AKAP7: variants seen among roughly 807,000 people sequenced by gnomAD.
AKAP7 encodes the protein A kinase (PRKA) anchor protein 7.
In AKAP7, 39 loss-of-function variants were observed where a neutral mutation model predicts 39.5. That is an observed-to-expected ratio of 0.99 (90% CI 0.76 to 1.29). The LOEUF (loss-of-function observed/expected upper bound fraction) is 1.29. AKAP7 is among the 50% of genes most tolerant of loss of function. The pLI is 0.00. For synonymous variants in AKAP7, 140 were observed against 139.1 expected, an observed-to-expected ratio of 1.01 and a Z score of -0.05; for missense variants, 414 against 407.7, an observed-to-expected ratio of 1.02 and a Z score of -0.13.
chr6:131,282,384 A>ATTTTT lies in AKAP7; in HGVS notation c.*663_*667dup. 1 of 1,440,924 alleles carries ATTTTT rather than the reference A, an allele frequency of 6.9e-7. No homozygotes were observed. 89.3% of individuals were successfully genotyped at this position (1,440,924 alleles called of 1,614,324 possible). ...ATATTTAATGAAATGTTATTATATA[A>ATTTTT]TTTTTTTTTCTTAGGCAAGAAACCT... On this transcript the variant is annotated 3_prime_UTR_variant, in exon 8 of 8. Coordinates refer to ENST00000431975, the MANE Select transcript of AKAP7 (RefSeq NM_016377.4).
intron 7 of AKAP7, among the ~76,000 whole-genome samples, chr6:131,237,294 T>C (rs1410753020): frequency 6.6e-6 from 1 of 152,234 alleles, no homozygotes; most frequent in Admixed American, 6.5e-5. Context: ...GATGTGCTGC[T>C]GGATTCGGTT....
intron 7 of AKAP7, among the ~76,000 whole-genome samples, chr6:131,220,302 C>T: frequency 6.6e-6 from 1 of 152,148 alleles, no homozygotes; most frequent in East Asian, 1.9e-4. Context: ...GCATAAGGTT[C>T]ATACATAAAT....
chr6:131,132,517 G>C (rs982732519), upstream of AKAP7, among the ~76,000 whole-genome samples: 2 of 151,856 alleles, frequency 1.3e-5, no homozygotes, highest in African/African-American at 4.8e-5. Context: ...TCTCCCCAGA[G>C]GACAATATAC....
At position 131,199,342 on chromosome 6, in the gene AKAP7, A is replaced by G. The variant is rs1807285005; in HGVS notation, c.590-119A>G. The G allele has an allele frequency of 6.0e-6, 4 of 668,912 alleles. No individual in the cohort carries two copies. In the East Asian group the frequency reaches 1.1e-4, roughly 19 times the overall value. The allele number at this position is 668,912 out of a possible 1,614,324, so 41.4% of individuals were successfully genotyped here. A position where few individuals can be genotyped will look rare whatever the true frequency, so the allele number is the denominator to read the frequency against. On this transcript the variant is annotated intron_variant, in intron 5 of 7. Coordinates refer to ENST00000431975, the MANE Select transcript of AKAP7 (RefSeq NM_016377.4). ...TAAAGAAAATATCTGAAGCAGGTGT[A>G]TAAAGTAATCTTCACTGTAAAATAA...
At chr6:131,202,156 T>C (rs990289149) in intron 6 of AKAP7, among the ~76,000 whole-genome samples, 2 of 150,542 alleles carry the variant, frequency 1.3e-5, no homozygotes, top group African/African-American at 4.9e-5. Flanking sequence ...TTTTACACTG[T>C]TGGTGGGACT....
At chr6:131,132,276 G>T (rs145775920), upstream of AKAP7, among the ~76,000 whole-genome samples, 539 of 150,620 alleles carry the variant, frequency 3.6e-3, 7 homozygotes, top group African/African-American at 0.013. Flanking sequence ...TTGCGCCACC[G>T]CACTCCAGCC....
At position 131,246,355 on chromosome 6, in the gene AKAP7, G is replaced by A. The variant is rs117369451; in HGVS notation, c.850+26547G>A. ...TAGGCAACTGTCCTAACCGTGATTG[G>A]TCTGTAGCCAGGCCTGGGAGAAAAG... On this transcript the variant is annotated intron_variant, in intron 7 of 7. Coordinates refer to ENST00000431975, the MANE Select transcript of AKAP7 (RefSeq NM_016377.4). Among the ~76,000 whole-genome samples the A allele has an allele frequency of 7.1e-3, 1,087 of 152,240 alleles. 2 individuals are homozygous for A. Among genetic ancestry groups the A allele is most frequent in the Middle Eastern group, 0.02 (6 of 294 alleles).
At chr6:131,161,678 A>AAAAAAAAAT (rs1802975370) in intron 3 of AKAP7, among the ~76,000 whole-genome samples, 2 of 144,050 alleles carry the variant, frequency 1.4e-5, no homozygotes, top group Non-Finnish European at 3.0e-5. Context: ...AAAAAAAAAA[A>AAAAAAAAAT]AAAAAATTAA....
At chr6:131,187,340 TC>T (rs1332305183) in intron 5 of AKAP7, among the ~76,000 whole-genome samples, 1 of 152,146 alleles carries the variant, frequency 6.6e-6, no homozygotes, top group Non-Finnish European at 1.5e-5. Context: ...ATCTTTCACC[TC>T]CTTGGTTAAG....
At chr6:131,256,719 T>C (rs981401770) in intron 7 of AKAP7, among the ~76,000 whole-genome samples, 17 of 151,232 alleles carry the variant, frequency 1.1e-4, no homozygotes, top group African/African-American at 4.1e-4. Context: ...ATTATTATTA[T>C]TATTATTATT....
rs142066212 is a variant in AKAP7, at chr6:131,237,612, A to G, written c.850+17804A>G. On this transcript the variant is annotated intron_variant, in intron 7 of 7. Transcript: ENST00000431975. Reference sequence around the variant, plus strand: ...TGTTATTGGTCTATTCAGAGATTCAACTTCTTCCTGGTTTAGTCTTGGGGG... The same window carrying G: ...TGTTATTGGTCTATTCAGAGATTCAGCTTCTTCCTGGTTTAGTCTTGGGGG... Among the ~76,000 whole-genome samples the G allele has an allele frequency of 4.4e-3, 673 of 151,346 alleles. 18 individuals carry two copies. In the East Asian group the frequency reaches 0.049, roughly 11 times the overall value.
At chr6:131,179,543 T>C (rs1414818863) in intron 5 of AKAP7, among the ~76,000 whole-genome samples, 1 of 152,160 alleles carries the variant, frequency 6.6e-6, no homozygotes, top group Non-Finnish European at 1.5e-5. Context: ...ACCATGACTG[T>C]TTTGGTCACT....
In AKAP7 at chr6:131,145,399, T is replaced by A. The variant is rs761408185; in HGVS notation, c.134T>A (p.Ile45Asn). 7 of 1,538,450 alleles carry A rather than the reference T, an allele frequency of 4.6e-6. No individual in the cohort carries two copies. In the African/African-American group the frequency reaches 8.2e-5, roughly 18 times the overall value. ...GACATGCCATTTGCTACTGTAGATA[T>A]TCAGGATGACTGTGGAAGTAAGTAC... ...LVDMPFATVD[I>N]QDDCGITDEP... Residue 45 changes from isoleucine (I) to asparagine (N), a missense_variant, in exon 2 of 8, where the codon ATT becomes AAT. Coordinates refer to ENST00000431975, the MANE Select transcript of AKAP7 (RefSeq NM_016377.4).
intron 7 of AKAP7, among the ~76,000 whole-genome samples, chr6:131,265,624 A>G (rs531109053): frequency 6.6e-6 from 1 of 152,292 alleles, no homozygotes; most frequent in South Asian, 2.1e-4. Context: ...TCTGGTTAGC[A>G]GTCTCATTTT....
intron 7 of AKAP7, among the ~76,000 whole-genome samples, chr6:131,231,272 T>C (rs1294315450): frequency 1.3e-5 from 2 of 152,128 alleles, no homozygotes; most frequent in Non-Finnish European, 2.9e-5. Context: ...CTATGTGAAA[T>C]GACTCATTTA....
At chr6:131,229,089 C>T (rs1452256908) in intron 7 of AKAP7, among the ~76,000 whole-genome samples, 1 of 152,022 alleles carries the variant, frequency 6.6e-6, no homozygotes, top group African/African-American at 2.4e-5. Context: ...TAAAGTAGCC[C>T]CTTTCTTCCA....
chr6:131,276,133 T>G (rs1160618539), intron 7 of AKAP7, among the ~76,000 whole-genome samples: 1 of 152,244 alleles, frequency 6.6e-6, no homozygotes, highest in Non-Finnish European at 1.5e-5. Context: ...AACATCATTT[T>G]CCTATTTATT....
At chr6:131,190,476 TA>T (rs1321815531) in intron 5 of AKAP7, among the ~76,000 whole-genome samples, 1 of 151,816 alleles carries the variant, frequency 6.6e-6, no homozygotes, top group Non-Finnish European at 1.5e-5. Context: ...AACCCATAAC[TA>T]CTAAAAATAC....
intron 5 of AKAP7, among the ~76,000 whole-genome samples, chr6:131,175,902 A>C (rs1244332107): frequency 6.6e-6 from 1 of 152,160 alleles, no homozygotes; most frequent in Non-Finnish European, 1.5e-5. Context: ...CCACTTCTTC[A>C]TCAAACATAG....
Sources: gnomAD v4.1 joint callset for allele counts (sites outside exome capture counted in the v4.1 genomes callset) on GRCh38, gnomAD v4.1.1 for gene constraint, MANE v1.5 for transcripts, NCBI Gene and HGNC (gene_info 2026-07-23, HGNC 2026-07-21) for gene names.